The following MRPS9 variants were observed in gnomAD, a reference collection of about 807,000 sequenced individuals.
MRPS9 encodes the protein small ribosomal subunit protein uS9m.
MRPS9 carries 45 observed loss-of-function variants against 59.9 expected under a neutral mutation model. That is an observed-to-expected ratio of 0.75 (90% CI 0.59 to 0.96). MRPS9 has a LOEUF of 0.96. Among genes scored for constraint, MRPS9 ranks in the 40% least tolerant of loss-of-function variants. The pLI, the probability that MRPS9 is intolerant of heterozygous loss-of-function variation, is 0.00. For missense variants in MRPS9, 473 were observed against 481.1 expected (o/e 0.98, Z 0.16); for synonymous variants, 171 against 166.8 (o/e 1.03, Z -0.19).
intron 2 of MRPS9, among the ~76,000 whole-genome samples, chr2:105,052,764 G>T (rs1679735532): frequency 6.6e-6 from 1 of 152,062 alleles, no homozygotes; most frequent in African/African-American, 2.4e-5. Context: ...TTTGTGAGTT[G>T]TTGTTGTTGG....
intron 2 of MRPS9, among the ~76,000 whole-genome samples, chr2:105,067,629 G>A (rs574412917): frequency 2.0e-5 from 3 of 152,160 alleles, no homozygotes; most frequent in Admixed American, 2.0e-4. Flanking sequence ...GAAATTGATG[G>A]TTAATTTGGA....
intron 4 of MRPS9, among the ~76,000 whole-genome samples, chr2:105,073,149 G>A (rs7565465): frequency 0.2 from 30,145 of 151,438 alleles, 3,122 homozygotes; most frequent in Middle Eastern, 0.35. Context: ...AACCTCTCAG[G>A]CTCCTCACCT....
intron 5 of MRPS9, among the ~76,000 whole-genome samples, chr2:105,086,285 A>T (rs553581286): frequency 8.5e-5 from 13 of 152,350 alleles, no homozygotes; most frequent in African/African-American, 3.1e-4. Flanking sequence ...GCCACAAATG[A>T]ATCGAATTCA....
At chr2:105,076,221 A>G (rs934256262) in intron 4 of MRPS9, among the ~76,000 whole-genome samples, 3 of 152,342 alleles carry the variant, frequency 2.0e-5, no homozygotes, top group East Asian at 1.9e-4. Flanking sequence ...ACCCTCTTAT[A>G]AAAGCATGCC....
intron 5 of MRPS9, among the ~76,000 whole-genome samples, chr2:105,088,444 TAGG>T (rs909604087): frequency 9.2e-5 from 14 of 152,110 alleles, no homozygotes; most frequent in African/African-American, 2.2e-4. Flanking sequence ...AGTAAATTAA[TAGG>T]AGGAAATCAA....
In MRPS9 at chr2:105,042,243, G is replaced by A. The variant is rs117426043; in HGVS notation, c.135+4016G>A. On this transcript the variant is annotated intron_variant, in intron 1 of 10. Transcript: ENST00000258455. ...TCATCTCAAGGCTCCACTGTGGGTG[G>A]GGAGAGTCTGCTTCTAGGCTCACTC... Among the ~76,000 whole-genome samples, 126 of 152,302 alleles carry A rather than the reference G, an allele frequency of 8.3e-4. 3 individuals carry two copies. The East Asian group carries it at 0.021, about 25-fold the overall frequency.
At chr2:105,078,437 A>T (rs1161459050) in intron 4 of MRPS9, among the ~76,000 whole-genome samples, 1 of 151,940 alleles carries the variant, frequency 6.6e-6, no homozygotes, top group Non-Finnish European at 1.5e-5. Flanking sequence ...TGCAGCCATG[A>T]TGTTTGTCAT....
chr2:105,069,013 C>G (rs766555042), intron 2 of MRPS9, among the ~76,000 whole-genome samples: 4 of 152,096 alleles, frequency 2.6e-5, no homozygotes, highest in Non-Finnish European at 5.9e-5. Context: ...CCCACCTTCC[C>G]GCTGAAGAGG....
intron 7 of MRPS9, chr2:105,091,173 T>A: frequency 2.5e-6 from 1 of 402,378 alleles, no homozygotes; most frequent in South Asian, 1.9e-5. Context: ...ACAAGTTATA[T>A]ATGATACTTT....
chr2:105,079,531 A>G (rs1293708426), intron 4 of MRPS9, among the ~76,000 whole-genome samples: 1 of 152,212 alleles, frequency 6.6e-6, no homozygotes, highest in Non-Finnish European at 1.5e-5. Flanking sequence ...ATGATGTAGC[A>G]TAGAAAAATA....
In MRPS9 at chr2:105,083,171, A is replaced by G. The variant is rs556629837; in HGVS notation, c.489+3109A>G. ...GAGAAAGAATAAAGTTTCCTGAAAC[A>G]ATTGAGCAAAGGTGTGAAGGAGGGG... On this transcript the variant is annotated intron_variant, in intron 5 of 10. Coordinates refer to ENST00000258455, the MANE Select transcript of MRPS9 (RefSeq NM_182640.3). Among the ~76,000 whole-genome samples the G allele has an allele frequency of 8.5e-5, 13 of 152,348 alleles. No homozygotes were observed. In the East Asian group the frequency reaches 9.7e-4, roughly 11 times the overall value.
chr2:105,038,329 A>C, intron 1 of MRPS9, 102 bp downstream of exon 1: 1 of 1,455,166 alleles, frequency 6.9e-7, no homozygotes. Context: ...TCAGGCAGGG[A>C]CTCTAGGATC....
chr2:105,083,506 T>C (rs1411420940), intron 5 of MRPS9, among the ~76,000 whole-genome samples: 3 of 152,218 alleles, frequency 2.0e-5, no homozygotes, highest in African/African-American at 7.2e-5. Context: ...AATACATATG[T>C]TTCTGAAAAA....
intron 5 of MRPS9, among the ~76,000 whole-genome samples, chr2:105,083,167 A>G (rs1009737153): frequency 3.3e-5 from 5 of 152,234 alleles, no homozygotes; most frequent in Non-Finnish European, 5.9e-5. Flanking sequence ...AAGTTTCCTG[A>G]AACAATTGAG....
At chr2:105,097,471 C>A in intron 10 of MRPS9, 147 bp downstream of exon 10, 1 of 713,172 alleles carries the variant, frequency 1.4e-6, no homozygotes, top group South Asian at 4.1e-5. Context: ...TGCTACAGAA[C>A]CATAACAGTA....
intron 4 of MRPS9, among the ~76,000 whole-genome samples, chr2:105,078,490 A>T (rs757924762): frequency 1.3e-5 from 2 of 152,134 alleles, no homozygotes; most frequent in Non-Finnish European, 2.9e-5. Flanking sequence ...GTGAAAATCA[A>T]TTGCATAAGA....
intron 2 of MRPS9, among the ~76,000 whole-genome samples, chr2:105,061,248 A>G (rs184565923): frequency 2.0e-4 from 31 of 152,102 alleles, no homozygotes; most frequent in Non-Finnish European, 4.6e-4. Flanking sequence ...AAACAGTCGG[A>G]TGTGTGGCAC....
At chr2:105,067,403 C>A (rs764586853) in intron 2 of MRPS9, among the ~76,000 whole-genome samples, 2 of 152,100 alleles carry the variant, frequency 1.3e-5, no homozygotes, top group African/African-American at 2.4e-5. Context: ...GTTACATCCA[C>A]GAAGTCTGAG....
At position 105,038,075 on chromosome 2, in the gene MRPS9, G is replaced by T; in HGVS notation, c.-18G>T. On this transcript the variant is annotated 5_prime_UTR_variant, in exon 1 of 11. Transcript: ENST00000258455. The stretch of plus-strand genomic sequence containing the variant: ...CCCGCCCCCTCACCCCTCCGGTCCT[G>T]GAGCTCCCACAGCTAACATGGCGGC... The T allele has an allele frequency of 1.2e-6, 2 of 1,612,790 alleles. No individual in the cohort carries two copies. Among genetic ancestry groups the T allele is most frequent in the Non-Finnish European group, 1.7e-6 (2 of 1,179,768 alleles).
Sources: allele counts gnomAD v4.1 joint callset (sites outside exome capture counted in the v4.1 genomes callset), GRCh38; gene constraint gnomAD v4.1.1; transcripts MANE v1.5; gene names NCBI Gene and HGNC (gene_info 2026-07-23, HGNC 2026-07-21).